Variants in PCED1B observed in about 807,000 individuals in gnomAD.
The protein encoded by PCED1B is PC-esterase domain-containing protein 1B.
For synonymous variants in PCED1B, 251 were observed against 246.1 expected (o/e 1.02, Z -0.19); for missense variants, 573 against 573.9 (o/e 1.00, Z 0.02).
intron 2 of PCED1B, among the ~76,000 whole-genome samples, chr12:47,117,545 G>T (rs1432287218): frequency 1.3e-5 from 2 of 152,192 alleles, no homozygotes; most frequent in Non-Finnish European, 2.9e-5. Context: ...CTTTATGGCT[G>T]CATAGTATTC....
chr12:47,164,276 T>C (rs77335023), intron 2 of PCED1B, among the ~76,000 whole-genome samples: 1 of 151,888 alleles, frequency 6.6e-6, no homozygotes, highest in Non-Finnish European at 1.5e-5. Context: ...GCCTGTGAAA[T>C]TTTTTTTTAA....
chr12:47,125,425 A>G (rs1227683733), intron 2 of PCED1B, among the ~76,000 whole-genome samples: 1 of 151,954 alleles, frequency 6.6e-6, no homozygotes, highest in Non-Finnish European at 1.5e-5. Flanking sequence ...TTGCTTTTTA[A>G]TACGTCTTAA....
intron 3 of PCED1B, among the ~76,000 whole-genome samples, chr12:47,222,736 G>A (rs1238682621): frequency 6.6e-6 from 1 of 151,442 alleles, no homozygotes; most frequent in Non-Finnish European, 1.5e-5. Flanking sequence ...TTGCTTAATA[G>A]GCCCAGGGAC....
At chr12:47,151,130 AAT>A (rs201954346) in intron 2 of PCED1B, among the ~76,000 whole-genome samples, 12 of 91,696 alleles carry the variant, frequency 1.3e-4, no homozygotes, top group East Asian at 3.9e-4. Context: ...CTCTATATAT[AAT>A]ATATACACAC....
chr12:47,193,714 A>G (rs576739016), intron 2 of PCED1B, among the ~76,000 whole-genome samples: 12 of 152,338 alleles, frequency 7.9e-5, no homozygotes, highest in African/African-American at 2.9e-4. Flanking sequence ...AAATTTCAGT[A>G]TAAGGATCAG....
intron 2 of PCED1B, among the ~76,000 whole-genome samples, chr12:47,111,045 A>T (rs1939173001): frequency 6.6e-6 from 1 of 152,234 alleles, no homozygotes; most frequent in African/African-American, 2.4e-5. Flanking sequence ...ATTGCTTTGT[A>T]AGTGGTCTGA....
chr12:47,113,140 C>G (rs1411133040), intron 2 of PCED1B, among the ~76,000 whole-genome samples: 1 of 152,090 alleles, frequency 6.6e-6, no homozygotes, highest in African/African-American at 2.4e-5. Context: ...CTGGGATATA[C>G]TAAGATGCTC....
chr12:47,131,817 C>T (rs997343678), intron 2 of PCED1B, among the ~76,000 whole-genome samples: 2 of 151,854 alleles, frequency 1.3e-5, no homozygotes, highest in Non-Finnish European at 2.9e-5. Flanking sequence ...TACAGGCATG[C>T]GCCACCACAT....
intron 2 of PCED1B, among the ~76,000 whole-genome samples, chr12:47,156,481 A>G (rs1241000598): frequency 1.1e-4 from 17 of 152,132 alleles, no homozygotes; most frequent in Non-Finnish European, 2.2e-4. Flanking sequence ...TTCTCAAGCC[A>G]TCACATTCCC....
intron 2 of PCED1B, among the ~76,000 whole-genome samples, chr12:47,213,051 C>T (rs1943141336): frequency 6.6e-6 from 1 of 152,212 alleles, no homozygotes; most frequent in Admixed American, 6.5e-5. Flanking sequence ...ATTTCTCATT[C>T]CATCCATCCT....
At chr12:47,219,711 G>T (rs1326453283) in intron 3 of PCED1B, among the ~76,000 whole-genome samples, 2 of 152,176 alleles carry the variant, frequency 1.3e-5, no homozygotes, top group Non-Finnish European at 2.9e-5. Flanking sequence ...AAAATTTAAA[G>T]CTGTGCACAA....
chr12:47,126,114 T>G (rs1383793161), intron 2 of PCED1B, among the ~76,000 whole-genome samples: 1 of 152,034 alleles, frequency 6.6e-6, no homozygotes, highest in African/African-American at 2.4e-5. Context: ...CTGCCTTTCG[T>G]CATTAGGTAT....
chr12:47,080,535 C>A (rs1338708535), intron 1 of PCED1B, among the ~76,000 whole-genome samples: 2 of 152,176 alleles, frequency 1.3e-5, no homozygotes, highest in African/African-American at 4.8e-5. Context: ...TTCCTCTCCA[C>A]AGGGATATCT....
At chr12:47,103,406 C>T (rs1363456481) in intron 1 of PCED1B, among the ~76,000 whole-genome samples, 1 of 152,104 alleles carries the variant, frequency 6.6e-6, no homozygotes, top group Non-Finnish European at 1.5e-5. Context: ...GCAGCAGGGC[C>T]TGGAATGTGG....
intron 3 of PCED1B, among the ~76,000 whole-genome samples, chr12:47,220,362 G>A (rs832719): frequency 0.057 from 8,675 of 152,014 alleles, 324 homozygotes; most frequent in African/African-American, 0.11. Context: ...AGTAGAGACT[G>A]GGTTTCACCA....
At chr12:47,176,824 C>A (rs1051040315) in intron 2 of PCED1B, among the ~76,000 whole-genome samples, 2 of 151,190 alleles carry the variant, frequency 1.3e-5, no homozygotes, top group Non-Finnish European at 2.9e-5. Flanking sequence ...TTTCCAATGT[C>A]AACTGGTGTC....
chr12:47,087,385 T>A (rs1311723696), intron 1 of PCED1B, among the ~76,000 whole-genome samples: 1 of 152,178 alleles, frequency 6.6e-6, no homozygotes, highest in Non-Finnish European at 1.5e-5. Context: ...AGAAGCAGAT[T>A]TCTCACAGAA....
At chr12:47,166,159 T>C (rs1170460870) in intron 2 of PCED1B, among the ~76,000 whole-genome samples, 1 of 152,242 alleles carries the variant, frequency 6.6e-6, no homozygotes, top group East Asian at 1.9e-4. Context: ...ACTTGGCCCC[T>C]GTCTCCCAGG....
intron 2 of PCED1B, among the ~76,000 whole-genome samples, chr12:47,149,845 A>G (rs1340530469): frequency 3.3e-5 from 5 of 152,356 alleles, no homozygotes; most frequent in African/African-American, 1.2e-4. Flanking sequence ...TTACAGTAAT[A>G]TGGATTCAGG....
Sources: gnomAD v4.1 joint callset for allele counts (sites outside exome capture counted in the v4.1 genomes callset) on GRCh38, gnomAD v4.1.1 for gene constraint, MANE v1.5 for transcripts, NCBI Gene and HGNC (gene_info 2026-07-23, HGNC 2026-07-21) for gene names.